Variants in WDR1 observed in about 807,000 individuals in gnomAD.
WDR1 encodes the protein WD repeat-containing protein 1.
Under a neutral mutation model 71.9 loss-of-function variants are expected in WDR1, and 21 were observed. The observed-to-expected ratio is 0.29, with a 90% confidence interval of 0.21 to 0.42. The LOEUF (loss-of-function observed/expected upper bound fraction) is 0.42, where lower values mean the gene tolerates loss of function less well. WDR1 is among the 10% of genes least tolerant of loss of function. The pLI, the probability that WDR1 is intolerant of heterozygous loss-of-function variation, is 1.00. For synonymous variants in WDR1, 424 were observed against 347.4 expected (o/e 1.22, Z -2.45); for missense variants, 696 against 824.5 (o/e 0.84, Z 1.91).
intron 14 of WDR1, chr4:10,076,326 C>T (rs940078156): frequency 6.6e-6 from 1 of 152,326 alleles, no homozygotes; most frequent in Admixed American, 6.5e-5. Context: ...CTGTCCACAT[C>T]ACCAGGCTGG....
At chr4:10,079,881 A>AG (rs888581994) in intron 11 of WDR1, among the ~76,000 whole-genome samples, 3 of 152,200 alleles carry the variant, frequency 2.0e-5, no homozygotes, top group African/African-American at 7.2e-5. Flanking sequence ...GTGAAGAATG[A>AG]GGGCCTAAGC....
At chr4:10,078,002 G>A (rs1228925797) in intron 12 of WDR1, 76 bp from the exon 13 acceptor site, 5 of 1,451,460 alleles carry the variant, frequency 3.4e-6, no homozygotes, top group South Asian at 2.8e-5. Flanking sequence ...AGGGGGGGTC[G>A]AGGGCTTAAG....
chr4:10,104,066 G>A, intron 2 of WDR1, 80 bp from the exon 3 acceptor site: 2 of 1,355,590 alleles, frequency 1.5e-6, no homozygotes, highest in Non-Finnish European at 2.1e-6. Flanking sequence ...ACAGATATGG[G>A]GTGAAAGGGG....
intron 11 of WDR1, among the ~76,000 whole-genome samples, chr4:10,080,857 C>G (rs955373086): frequency 3.3e-5 from 5 of 152,258 alleles, no homozygotes; most frequent in Admixed American, 3.3e-4. Context: ...TCAGCCTCCT[C>G]ATCTGTAAGA....
Position 10,077,753 on chromosome 4 carries a change from C to T in WDR1, c.1569G>A (p.Ser523=), listed in dbSNP as rs34193855. 8.1e-3 allele frequency: 12,777 copies of T among 1,578,498 alleles called. 53 individuals are homozygous for T. The highest frequency in any genetic ancestry group is 9.4e-3 in the Non-Finnish European group (10,915 of 1,160,762). ...AGAGGAGGAGCCCGCCGCCACTCACCGAGTAGCCGTCAGCAACGCTGAACA... is the reference window on the plus strand; with the variant it reads ...AGAGGAGGAGCCCGCCGCCACTCACTGAGTAGCCGTCAGCAACGCTGAACA... ...VTVFSVADGY[S]ENNVFYGHHA... The change falls in exon 13 of 15, where the codon TCG becomes TCA. Residue 523 remains serine (S), a splice_region_variant and synonymous_variant. Transcript: ENST00000499869.
chr4:10,077,617 G>T, intron 13 of WDR1, 136 bp downstream of exon 13: 2 of 1,454,454 alleles, frequency 1.4e-6, no homozygotes, highest in Non-Finnish European at 1.8e-6. Flanking sequence ...CATGGCACGA[G>T]GCACCTGCTA....
intron 9 of WDR1, chr4:10,083,692 A>G (rs879664462): frequency 2.2e-6 from 1 of 461,704 alleles, no homozygotes; most frequent in Non-Finnish European, 4.3e-6. Flanking sequence ...AGCAGGTGCC[A>G]TCATCAGCAA....
intron 10 of WDR1, among the ~76,000 whole-genome samples, chr4:10,082,530 T>A (rs1343702428): frequency 2.6e-5 from 4 of 152,190 alleles, no homozygotes; most frequent in Non-Finnish European, 5.9e-5. Flanking sequence ...CTCCACTGAC[T>A]GCCAATCAAA....
chr4:10,106,508 C>G (rs951927588), intron 2 of WDR1: 1 of 152,256 alleles, frequency 6.6e-6, no homozygotes, highest in Admixed American at 6.5e-5. Flanking sequence ...GCCTCGTGGG[C>G]TCTCCCAGCC....
At chr4:10,083,765 C>T (rs965800023) in intron 9 of WDR1, 7 of 446,340 alleles carry the variant, frequency 1.6e-5, no homozygotes, top group East Asian at 1.4e-4. Context: ...AAGACACACC[C>T]GTGAGCAGGG....
chr4:10,104,313 G>A (rs182737547), intron 2 of WDR1, among the ~76,000 whole-genome samples: 1 of 152,166 alleles, frequency 6.6e-6, no homozygotes, highest in Non-Finnish European at 1.5e-5. Context: ...AGGTGGATTA[G>A]AGCAAGAAGC....
intron 8 of WDR1, among the ~76,000 whole-genome samples, chr4:10,086,283 T>C (rs1251466974): frequency 6.6e-6 from 1 of 152,206 alleles, no homozygotes; most frequent in Non-Finnish European, 1.5e-5. Flanking sequence ...CTCATCACCC[T>C]GGGCTGTGAG....
intron 5 of WDR1, among the ~76,000 whole-genome samples, chr4:10,089,038 G>A (rs756235278): frequency 4.1e-4 from 62 of 152,060 alleles, no homozygotes; most frequent in African/African-American, 4.6e-4. Flanking sequence ...CCCAGCAGCT[G>A]CCCTCTTCCC....
chr4:10,098,038 G>A (rs1044370419), intron 4 of WDR1, 147 bp from the exon 5 acceptor site: 24 of 834,284 alleles, frequency 2.9e-5, no homozygotes, highest in African/African-American at 2.4e-4. Context: ...AGGGACAAAT[G>A]AGGGAAGCAC....
At chr4:10,084,422 G>C in intron 9 of WDR1, 21 bp downstream of exon 9, 1 of 1,610,778 alleles carries the variant, frequency 6.2e-7, no homozygotes, top group East Asian at 2.2e-5. Context: ...TCCGGAGCCA[G>C]CTCTTTGAGT....
At chr4:10,075,653 C>T (rs988819340) in intron 14 of WDR1, 169 bp from the exon 15 acceptor site, 2 of 649,202 alleles carry the variant, frequency 3.1e-6, no homozygotes, top group Admixed American at 2.4e-5. Context: ...TGGCTGAATT[C>T]TCCACGTGAC....
At position 10,088,750 on chromosome 4, in the gene WDR1, A is replaced by G. The variant is rs772400997; in HGVS notation, c.559-9T>C. 2 of 1,588,254 alleles carry G rather than the reference A, an allele frequency of 1.3e-6. No homozygotes were observed. The highest frequency in any genetic ancestry group is 2.3e-5 in the East Asian group (1 of 43,672). ...ACAAAGCGGCTGTGGTCCTGCAGGA[A>G]AACAATTACCTGCCTGATGAGGGGC... On this transcript the variant is annotated splice_polypyrimidine_tract_variant and intron_variant, in intron 5 of 14. Transcript: ENST00000499869.
chr4:10,083,282 G>A (rs550914834), intron 9 of WDR1, 104 bp from the exon 10 acceptor site: 3 of 1,382,984 alleles, frequency 2.2e-6, no homozygotes, highest in South Asian at 1.4e-5. Flanking sequence ...TGAGAATCTC[G>A]CCGCAAACGG....
chr4:10,103,677 A>G (rs1185003310), intron 3 of WDR1, among the ~76,000 whole-genome samples: 2 of 152,228 alleles, frequency 1.3e-5, no homozygotes, highest in African/African-American at 4.8e-5. Context: ...CATGCAGCCC[A>G]TGGGCCACCG....
Sources: allele counts gnomAD v4.1 joint callset (sites outside exome capture counted in the v4.1 genomes callset), GRCh38; gene constraint gnomAD v4.1.1; transcripts MANE v1.5; gene names NCBI Gene and HGNC (gene_info 2026-07-23, HGNC 2026-07-21).